Variants in IFT80 observed in about 807,000 individuals in gnomAD.
The protein encoded by IFT80 is intraflagellar transport 80, also known as intraflagellar transport protein 80 homolog.
Under a neutral mutation model 107.9 loss-of-function variants are expected in IFT80, and 79 were observed. The ratio of observed to expected loss-of-function variants is 0.73; its 90% CI spans 0.61 to 0.88. IFT80 has a LOEUF of 0.88. Ranked by LOEUF, IFT80 falls within the 40% of genes least tolerant of loss-of-function variation. The probability of loss-of-function intolerance (pLI) is 0.00; values close to 1 mark genes in which losing one functional copy is unlikely to be tolerated. For synonymous variants in IFT80, 299 were observed against 300.9 expected, an observed-to-expected ratio of 0.99 and a Z score of 0.07; for missense variants, 797 against 914.2, an observed-to-expected ratio of 0.87 and a Z score of 1.65.
In IFT80 at chr3:160,262,032, T is replaced by C. The variant is rs115463849; in HGVS notation, c.2224-3397A>G. On this transcript the variant is annotated intron_variant, in intron 19 of 19. Transcript: ENST00000326448. ...TGCTTCTTTCTTTCTCTCTCTTTTT[T>C]CCCTATATTCTGCTCCCTAGACAAT... Among the ~76,000 whole-genome samples, 899 of 152,270 alleles carry C rather than the reference T, an allele frequency of 5.9e-3. 15 individuals carry two copies. Among genetic ancestry groups the C allele is most frequent in the African/African-American group, 0.02 (821 of 41,546 alleles).
chr3:160,397,583 A>G (rs1559980539), intron 1 of IFT80, among the ~76,000 whole-genome samples: 1 of 152,214 alleles, frequency 6.6e-6, no homozygotes, highest in Non-Finnish European at 1.5e-5. Flanking sequence ...AATACTCTCA[A>G]GATTGACAAA....
rs546816765 is a variant in IFT80, at chr3:160,325,475, A to G, written c.778-5536T>C. On this transcript the variant is annotated intron_variant, in intron 8 of 19. Coordinates refer to ENST00000326448, the MANE Select transcript of IFT80 (RefSeq NM_020800.3). ...GAAAATGAAATGTTTAGATAATAGT[A>G]TATCATCATCCTATATTCAACTGAT... Among the ~76,000 whole-genome samples, 18 of 152,234 alleles carry G rather than the reference A, an allele frequency of 1.2e-4. No homozygotes were observed. In the South Asian group the frequency reaches 3.5e-3, roughly 30 times the overall value.
chr3:160,269,469 A>T (rs890443927), intron 18 of IFT80, among the ~76,000 whole-genome samples: 1 of 152,214 alleles, frequency 6.6e-6, no homozygotes, highest in Non-Finnish European at 1.5e-5. Context: ...AAAAGTTGAC[A>T]GTCATTTAAG....
intron 9 of IFT80, among the ~76,000 whole-genome samples, chr3:160,316,797 C>G (rs1468589264): frequency 6.6e-6 from 1 of 152,086 alleles, no homozygotes; most frequent in Non-Finnish European, 1.5e-5. Context: ...AAAAAAAGCA[C>G]TCTTTCCGCT....
At chr3:160,389,599 C>T (rs1345866390) in intron 1 of IFT80, among the ~76,000 whole-genome samples, 5 of 149,906 alleles carry the variant, frequency 3.3e-5, no homozygotes, top group South Asian at 2.1e-4. Context: ...TTTGTTCTTC[C>T]GATAGTTTAC....
At chr3:160,285,629 C>T (rs1010157086) in intron 13 of IFT80, among the ~76,000 whole-genome samples, 175 bp downstream of exon 13, 4 of 151,860 alleles carry the variant, frequency 2.6e-5, no homozygotes, top group South Asian at 4.2e-4. Flanking sequence ...CAAACTTTAC[C>T]AGTGCTTAGT....
intron 5 of IFT80, among the ~76,000 whole-genome samples, chr3:160,370,136 C>T (rs1047705217): frequency 3.9e-5 from 6 of 152,086 alleles, no homozygotes; most frequent in Non-Finnish European, 7.4e-5. Context: ...AAAAGTATCC[C>T]CTAAAAACGC....
chr3:160,333,649 C>T (rs997064187), intron 8 of IFT80, among the ~76,000 whole-genome samples: 26 of 152,176 alleles, frequency 1.7e-4, no homozygotes, highest in Admixed American at 7.2e-4. Context: ...TCCACCTCTA[C>T]ATCTTGTCCC....
chr3:160,270,117 C>T (rs1483323257), intron 18 of IFT80, among the ~76,000 whole-genome samples: 2 of 152,196 alleles, frequency 1.3e-5, no homozygotes. Context: ...TCTTCTGCCT[C>T]AGCCTCCCAA....
intron 6 of IFT80, among the ~76,000 whole-genome samples, chr3:160,361,340 T>C (rs1721477351): frequency 6.6e-6 from 1 of 152,166 alleles, no homozygotes; most frequent in South Asian, 2.1e-4. Flanking sequence ...CCTAAATACA[T>C]ATGCACCCAA....
At chr3:160,342,454 T>C (rs970239060) in intron 8 of IFT80, among the ~76,000 whole-genome samples, 2 of 152,194 alleles carry the variant, frequency 1.3e-5, no homozygotes, top group Non-Finnish European at 2.9e-5. Flanking sequence ...TCAAATTGCT[T>C]AGGCATGCAG....
chr3:160,331,554 C>T (rs566748336), intron 8 of IFT80, among the ~76,000 whole-genome samples: 11 of 152,258 alleles, frequency 7.2e-5, no homozygotes, highest in Admixed American at 5.9e-4. Flanking sequence ...TTCAAAATTT[C>T]CCAATTGTCA....
rs369897815 is a variant in IFT80 at position 160,267,275 on chromosome 3, TTCTC to T, written c.2223+1134_2223+1137del. On this transcript the variant is annotated intron_variant, in intron 19 of 19. Coordinates refer to ENST00000326448, the MANE Select transcript of IFT80 (RefSeq NM_020800.3). Reference sequence around the variant, plus strand: ...GGCTTTAATAGAAATTGTGGGTGCCTTCTCTCTATCTTCTCTCCTCTTCCTAAGT... The same window carrying T: ...GGCTTTAATAGAAATTGTGGGTGCCTTCTATCTTCTCTCCTCTTCCTAAGT... Among the ~76,000 whole-genome samples, 150 of 152,264 alleles carry T rather than the reference TTCTC, an allele frequency of 9.9e-4. 1 individual carries two copies. The highest frequency in any genetic ancestry group is 2.4e-3 in the African/African-American group (98 of 41,548).
At chr3:160,389,663 T>C (rs1713212786) in intron 1 of IFT80, among the ~76,000 whole-genome samples, 1 of 151,864 alleles carries the variant, frequency 6.6e-6, no homozygotes, top group Non-Finnish European at 1.5e-5. Context: ...CATGAACTCA[T>C]CATTTTTTAT....
intron 13 of IFT80, among the ~76,000 whole-genome samples, chr3:160,284,948 C>CTGT (rs1177918132): frequency 6.6e-6 from 1 of 152,092 alleles, no homozygotes; most frequent in Non-Finnish European, 1.5e-5. Context: ...TGGAGAGGCA[C>CTGT]TACAGTGATG....
intron 8 of IFT80, among the ~76,000 whole-genome samples, chr3:160,322,535 C>A (rs1018035582): frequency 6.6e-6 from 1 of 152,038 alleles, no homozygotes; most frequent in African/African-American, 2.4e-5. Flanking sequence ...ATTTATAGTC[C>A]TTTGGGTATA....
chr3:160,354,260 T>C (rs756349534), intron 8 of IFT80, among the ~76,000 whole-genome samples: 10 of 152,142 alleles, frequency 6.6e-5, no homozygotes, highest in Non-Finnish European at 1.3e-4. Flanking sequence ...AGGAGGGACC[T>C]AGCAGAAAAG....
intron 8 of IFT80, chr3:160,343,556 A>G (rs1352589276): frequency 6.6e-6 from 1 of 152,616 alleles, no homozygotes; most frequent in African/African-American, 2.4e-5. Context: ...AGGTAAAAAT[A>G]AAATTTATTA....
intron 1 of IFT80, among the ~76,000 whole-genome samples, chr3:160,394,967 G>A (rs1713668917): frequency 6.6e-6 from 1 of 152,116 alleles, no homozygotes; most frequent in Admixed American, 6.5e-5. Flanking sequence ...ACCCCTAAAA[G>A]GGTGGGGGCA....
Sources: gnomAD v4.1 joint callset for allele counts (sites outside exome capture counted in the v4.1 genomes callset) on GRCh38, gnomAD v4.1.1 for gene constraint, MANE v1.5 for transcripts, NCBI Gene and HGNC (gene_info 2026-07-23, HGNC 2026-07-21) for gene names.